TEKT3: variants seen among roughly 807,000 people sequenced by gnomAD.
TEKT3 encodes tektin 3, also known as tektin-3.
TEKT3 carries 49 observed loss-of-function variants against 49.8 expected under a neutral mutation model. The ratio of observed to expected loss-of-function variants is 0.98; its 90% CI spans 0.78 to 1.25. The LOEUF is 1.25. Ranked by LOEUF, TEKT3 falls within the 50% of genes most tolerant of loss-of-function variation. The pLI is 0.00. For missense variants in TEKT3, 595 were observed against 629.5 expected, an observed-to-expected ratio of 0.95 and a Z score of 0.59; for synonymous variants, 225 against 237.2, an observed-to-expected ratio of 0.95 and a Z score of 0.47.
rs1910443655 is a variant in TEKT3 at position 15,304,242 on chromosome 17, A to C, written c.1257-90T>G. ...CATTGTAACCAGCGATGCAAAGCTC[A>C]CATTTTCTTTACTTTAGGATATATT... is the stretch of plus-strand genomic sequence containing the variant. On this transcript the variant is annotated intron_variant, in intron 8 of 8. Transcript: ENST00000395930. This position sits in a 1 kb window ranked among gnomAD's most constrained non-coding sequence, Gnocchi z 4.7. 2.5e-5 allele frequency: 32 copies of C among 1,304,428 alleles called. No homozygotes were observed. The highest frequency in any genetic ancestry group is 3.0e-5 in the Non-Finnish European group (28 of 922,598). 80.8% of individuals were successfully genotyped at this position (1,304,428 alleles called of 1,614,324 possible). A position where few individuals can be genotyped will look rare whatever the true frequency, so the allele number is the denominator to read the frequency against.
At chr17:15,315,354 T>C (rs936868716) in intron 5 of TEKT3, among the ~76,000 whole-genome samples, 21 of 152,088 alleles carry the variant, frequency 1.4e-4, no homozygotes, top group African/African-American at 4.3e-4. Context: ...TTCCTTCGAG[T>C]AAAATTGGAG....
At chr17:15,319,331 C>T (rs1225980510) in intron 4 of TEKT3, among the ~76,000 whole-genome samples, 184 bp from the exon 5 acceptor site, 2 of 152,108 alleles carry the variant, frequency 1.3e-5, no homozygotes, top group Non-Finnish European at 2.9e-5. Flanking sequence ...ATCTAAATAT[C>T]AGACTAAGAT....
intron 5 of TEKT3, among the ~76,000 whole-genome samples, chr17:15,318,617 A>C (rs1399287533): frequency 6.6e-6 from 1 of 152,088 alleles, no homozygotes; most frequent in East Asian, 1.9e-4. Flanking sequence ...TCATCACTGC[A>C]GCCTCATACT....
intron 1 of TEKT3, among the ~76,000 whole-genome samples, chr17:15,340,842 AT>A (rs1314814617): frequency 6.6e-6 from 1 of 152,234 alleles, no homozygotes; most frequent in Non-Finnish European, 1.5e-5. Flanking sequence ...ACCTCAAAAC[AT>A]TTTCGCCTGT....
At chr17:15,309,559 C>T (rs377191799) in intron 7 of TEKT3, among the ~76,000 whole-genome samples, 5 of 152,146 alleles carry the variant, frequency 3.3e-5, no homozygotes. Flanking sequence ...CCTGTAGCTC[C>T]ACATCCTCCC....
chr17:15,343,392 C>G (rs1442040259), upstream of TEKT3, among the ~76,000 whole-genome samples: 1 of 152,188 alleles, frequency 6.6e-6, no homozygotes, highest in Admixed American at 6.5e-5. Flanking sequence ...TCATGATTAT[C>G]AAGTCTTTGC....
intron 4 of TEKT3, among the ~76,000 whole-genome samples, chr17:15,321,989 G>T (rs1261515971): frequency 6.6e-6 from 1 of 152,060 alleles, no homozygotes; most frequent in African/African-American, 2.4e-5. Flanking sequence ...ATCCCTTCTT[G>T]TGCACACTCC....
At position 15,331,374 on chromosome 17, in the gene TEKT3, C is replaced by T. The variant is rs139699077; in HGVS notation, c.212G>A (p.Arg71Lys). 1 of 1,614,152 alleles carries T rather than the reference C, an allele frequency of 6.2e-7. No homozygotes were observed. Among genetic ancestry groups the T allele is most frequent in the Non-Finnish European group, 8.5e-7 (1 of 1,180,036 alleles). The change falls in exon 3 of 9, where the codon AGA (arginine) becomes AAA (lysine). Residue 71 changes from arginine to lysine, a missense_variant. Coordinates refer to ENST00000395930, the MANE Select transcript of TEKT3 (RefSeq NM_031898.3). ...GGTATTCTCGGACACCCTCTGTGATCTGGTGCAGTACGGGGCCACGCTTGG... is the reference window on the plus strand; with the variant it reads ...GGTATTCTCGGACACCCTCTGTGATTTGGTGCAGTACGGGGCCACGCTTGG... The part of the protein sequence containing the change: ...NSPSVAPYCT[R>K]SQRVSENTML...
chr17:15,318,021 G>T (rs567260539), intron 5 of TEKT3, among the ~76,000 whole-genome samples: 3 of 130,758 alleles, frequency 2.3e-5, no homozygotes, highest in African/African-American at 8.8e-5. Context: ...ACGGAGTCTC[G>T]CTCCGTCGCC....
intron 4 of TEKT3, among the ~76,000 whole-genome samples, chr17:15,322,400 G>A (rs901401744): frequency 2.6e-5 from 4 of 152,118 alleles, no homozygotes; most frequent in Non-Finnish European, 5.9e-5. Context: ...GATGCTGAGT[G>A]TTCAGTTAAG....
At chr17:15,306,089 A>ATATATATATGTGTGTG (rs1291765039) in intron 8 of TEKT3, among the ~76,000 whole-genome samples, 3 of 144,314 alleles carry the variant, frequency 2.1e-5, no homozygotes, top group African/African-American at 7.7e-5. Flanking sequence ...ATTTATATAT[A>ATATATATATGTGTGTG]TGTGTGTGTG....
intron 5 of TEKT3, among the ~76,000 whole-genome samples, chr17:15,318,472 C>T (rs1911114734): frequency 6.6e-6 from 1 of 152,178 alleles, no homozygotes; most frequent in Non-Finnish European, 1.5e-5. Context: ...ATCCTTCCCA[C>T]AGCATCTCAG....
Position 15,331,456 on chromosome 17 carries a change from G to C in TEKT3, c.130C>G (p.His44Asp). The C allele has an allele frequency of 9.9e-6, 16 of 1,614,094 alleles. No individual in the cohort carries two copies. The highest frequency in any genetic ancestry group is 1.4e-5 in the Non-Finnish European group (16 of 1,180,030). Residue 44 changes from histidine (H) to aspartate (D), a missense_variant, in exon 3 of 9, where the codon CAT (histidine) becomes GAT (aspartate). Coordinates refer to ENST00000395930, the MANE Select transcript of TEKT3 (RefSeq NM_031898.3). The stretch of plus-strand genomic sequence containing the variant: ...GGTCTCCAAGGAAGGCTCAGGCTAT[G>C]GGTCAAATTGGAGTGGGGAAAGCGG... Reference protein sequence around the residue: ...RDRFPHSNLTHSLSLPWRPST... With the variant: ...RDRFPHSNLTDSLSLPWRPST...
intron 2 of TEKT3, among the ~76,000 whole-genome samples, chr17:15,335,506 C>T (rs1349640365): frequency 1.3e-5 from 2 of 152,112 alleles, no homozygotes; most frequent in African/African-American, 4.8e-5. Flanking sequence ...CTGAACTATA[C>T]CTGGAGTGAA....
chr17:15,305,612 G>A (rs1241888304), intron 8 of TEKT3, among the ~76,000 whole-genome samples: 1 of 152,072 alleles, frequency 6.6e-6, no homozygotes, highest in Admixed American at 6.5e-5. Context: ...ACAATCACAC[G>A]GGGCCTGCCT....
At chr17:15,341,601 G>C (rs889092647), upstream of TEKT3, 1 of 152,242 alleles carries the variant, frequency 6.6e-6, no homozygotes, top group Non-Finnish European at 1.5e-5. Flanking sequence ...CTCGACTGGG[G>C]CCCAGACCAG....
Position 15,304,068 on chromosome 17 carries a change from CG to C in TEKT3, c.1340del (p.Ser447CysfsTer28). 3 of 1,614,118 alleles carry C rather than the reference CG, an allele frequency of 1.9e-6. No homozygotes were observed. The South Asian group carries it at 3.3e-5, about 18-fold the overall frequency. On this transcript the variant is annotated frameshift_variant, in exon 9 of 9. Coordinates refer to ENST00000395930, the MANE Select transcript of TEKT3 (RefSeq NM_031898.3). LOFTEE classifies it high-confidence loss of function. This position sits in a 1 kb window ranked among gnomAD's most constrained non-coding sequence, Gnocchi z 4.7. Reference protein sequence around the residue: ...RLRDAEDTLQSLVHIKATLEY... With the variant: ...RLRDAEDTLQXLVHIKATLEY... The stretch of plus-strand genomic sequence containing the variant: ...CGAGTGTGGCTTTGATGTGGACCAG[CG>C]ACTGCAGGGTGTCCTCTGCATCCCT...
chr17:15,303,930 G>T lies in TEKT3; in HGVS notation c.*6C>A. On this transcript the variant is annotated 3_prime_UTR_variant, in exon 9 of 9. Coordinates refer to ENST00000395930, the MANE Select transcript of TEKT3 (RefSeq NM_031898.3). ...AGGGGTATCAAAACCACACCCGGTGGGGTCCCTAGCAGAAGCCGACCAGCC... is the reference window on the plus strand; with the variant it reads ...AGGGGTATCAAAACCACACCCGGTGTGGTCCCTAGCAGAAGCCGACCAGCC... 6.2e-7 allele frequency: 1 copy of T among 1,613,578 alleles called. No homozygotes were observed. The highest frequency in any genetic ancestry group is 1.1e-5 in the South Asian group (1 of 91,040).
intron 3 of TEKT3, among the ~76,000 whole-genome samples, chr17:15,330,323 C>T (rs1031298714): frequency 6.6e-6 from 1 of 152,160 alleles, no homozygotes; most frequent in Non-Finnish European, 1.5e-5. Flanking sequence ...TGTGTCCCTG[C>T]ACAAATCTCA....
Sources: gnomAD v4.1 joint callset for allele counts (sites outside exome capture counted in the v4.1 genomes callset) on GRCh38, gnomAD v4.1.1 for gene constraint, Gnocchi (gnomAD v3.1) non-coding constraint, MANE v1.5 for transcripts, NCBI Gene and HGNC (gene_info 2026-07-23, HGNC 2026-07-21) for gene names.